Variants in PPP3R1 observed in about 807,000 individuals in gnomAD.
The protein encoded by PPP3R1 is protein phosphatase 3 regulatory subunit B, alpha, also known as calcineurin subunit B type 1.
In PPP3R1, 5 loss-of-function variants were observed where a neutral mutation model predicts 22.6. The observed-to-expected ratio is 0.22, with a 90% CI of 0.12 to 0.46. The LOEUF (loss-of-function observed/expected upper bound fraction) is 0.46. PPP3R1 is among the 20% of genes least tolerant of loss of function. The pLI, the probability that PPP3R1 is intolerant of heterozygous loss-of-function variation, is 0.99. For synonymous variants in PPP3R1, 56 were observed against 65.2 expected, an observed-to-expected ratio of 0.86 and a Z score of 0.68; for missense variants, 61 against 203.2, an observed-to-expected ratio of 0.30 and a Z score of 4.25.
rs1038916770 is a variant in PPP3R1 at position 68,182,964 on chromosome 2, C to T, written c.466-1954G>A. Among the ~76,000 whole-genome samples the T allele has an allele frequency of 2.6e-5, 4 of 152,146 alleles. No homozygotes were observed. The South Asian group carries it at 6.2e-4, about 24-fold the overall frequency. ...TATTGTCTTGAAAGCACTCTTTGAG[C>T]CTTCCAACCTGCTGCACTCTAGACT... is the stretch of plus-strand genomic sequence containing the variant. On this transcript the variant is annotated intron_variant, in intron 5 of 5. Transcript: ENST00000234310.
At chr2:68,251,812 G>A (rs1670364719) in intron 1 of PPP3R1, among the ~76,000 whole-genome samples, 1 of 150,234 alleles carries the variant, frequency 6.7e-6, no homozygotes, top group Non-Finnish European at 1.5e-5. Flanking sequence ...GATGGTCAGC[G>A]GTGCCCGCGG....
chr2:68,206,058 TC>T (rs1675115117), intron 2 of PPP3R1, among the ~76,000 whole-genome samples: 1 of 152,054 alleles, frequency 6.6e-6, no homozygotes, highest in Admixed American at 6.5e-5. Context: ...CCTCAGGTGA[TC>T]CGCCCGCCTC....
chr2:68,190,585 A>C (rs2122126), intron 2 of PPP3R1, among the ~76,000 whole-genome samples: 113,035 of 151,772 alleles, frequency 0.74, 43,150 homozygotes, highest in African/African-American at 0.93. Context: ...AACAAAAAAA[A>C]CCCCTCAATA....
intron 2 of PPP3R1, among the ~76,000 whole-genome samples, chr2:68,215,691 A>C (rs548715274): frequency 1.3e-5 from 2 of 152,298 alleles, no homozygotes; most frequent in African/African-American, 4.8e-5. Flanking sequence ...GTAATATAAC[A>C]TGAAACTCTG....
intron 1 of PPP3R1, 69 bp from the exon 2 acceptor site, chr2:68,217,200 T>A: frequency 8.8e-7 from 1 of 1,132,918 alleles, no homozygotes. Context: ...TAAACCTAAA[T>A]ATTTTAAGTC....
At chr2:68,187,090 A>T (rs544312697) in intron 4 of PPP3R1, among the ~76,000 whole-genome samples, 165 bp downstream of exon 4, 2 of 152,366 alleles carry the variant, frequency 1.3e-5, no homozygotes, top group African/African-American at 4.8e-5. Context: ...CAAATATAGT[A>T]GTTGGAAATG....
At position 68,180,487 on chromosome 2, in the gene PPP3R1, C is replaced by CTATATA. The variant is rs916241199; in HGVS notation, c.*470_*475dup. 2.0e-5 allele frequency: 3 copies of CTATATA among 152,768 alleles called. No homozygotes were observed. The South Asian group carries it at 6.2e-4, about 32-fold the overall frequency. 9.5% of individuals were successfully genotyped at this position (152,768 alleles called of 1,614,324 possible). On this transcript the variant is annotated 3_prime_UTR_variant, in exon 6 of 6. Coordinates refer to ENST00000234310, the MANE Select transcript of PPP3R1 (RefSeq NM_000945.4). Reference sequence around the variant, plus strand: ...CGGCTCAAATTGTACAGTCTTCTATCTATATATAAAACTGTGTGAAATAAA... The same window carrying CTATATA: ...CGGCTCAAATTGTACAGTCTTCTATCTATATATATATATAAAACTGTGTGAAATAAA...
rs1478648580 is a variant in PPP3R1, at chr2:68,188,623, A to C, written c.111T>G (p.Ser37=). 5.0e-6 allele frequency: 8 copies of C among 1,613,518 alleles called. No homozygotes were observed. ...FKKLDLDNSG[S]LSVEEFMSLP... ...GAGACATGAACTCTTCCACACTCAA[A>C]GAACCAGAATTGTCCAAATCAAGCT... Residue 37 remains serine (S), a synonymous_variant, in exon 3 of 6, where the codon TCT becomes TCG. Coordinates refer to ENST00000234310, the MANE Select transcript of PPP3R1 (RefSeq NM_000945.4).
chr2:68,226,603 C>G (rs909981395), intron 1 of PPP3R1, among the ~76,000 whole-genome samples: 1 of 152,104 alleles, frequency 6.6e-6, no homozygotes, highest in African/African-American at 2.4e-5. Context: ...TTTACACTTA[C>G]AGTAATCTTG....
intron 2 of PPP3R1, among the ~76,000 whole-genome samples, chr2:68,212,602 T>C (rs1348157720): frequency 6.6e-6 from 1 of 152,238 alleles, no homozygotes; most frequent in East Asian, 1.9e-4. Context: ...ACCTGCATTG[T>C]CAATGAGCAA....
chr2:68,229,782 C>G (rs141325284), intron 1 of PPP3R1, among the ~76,000 whole-genome samples: 34 of 150,424 alleles, frequency 2.3e-4, no homozygotes, highest in African/African-American at 8.5e-4. Context: ...TATATTGTTA[C>G]ATTTAAAGTA....
chr2:68,209,589 CA>C (rs1669431355), intron 2 of PPP3R1, among the ~76,000 whole-genome samples: 1 of 151,466 alleles, frequency 6.6e-6, no homozygotes. Flanking sequence ...CCGGACTCTA[CA>C]AAAAAATGTT....
At position 68,199,984 on chromosome 2, in the gene PPP3R1, CTTTCT is replaced by C. The variant is rs1204909066; in HGVS notation, c.44-11299_44-11295del. 2.6e-5 allele frequency among the ~76,000 whole-genome samples: 4 copies of C among 152,034 alleles called. No individual in the cohort carries two copies. In the East Asian group the frequency reaches 7.7e-4, roughly 29 times the overall value. On this transcript the variant is annotated intron_variant, in intron 2 of 5. Coordinates refer to ENST00000234310, the MANE Select transcript of PPP3R1 (RefSeq NM_000945.4). ...AGTCTAGATAAGACTGTGTTTCTTT[CTTTCT>C]TTTCATTAAATTTGATAGAATTTAC...
chr2:68,189,309 T>G (rs1674612886), intron 2 of PPP3R1, among the ~76,000 whole-genome samples: 1 of 152,124 alleles, frequency 6.6e-6, no homozygotes, highest in Non-Finnish European at 1.5e-5. Flanking sequence ...ATAAGCCAGT[T>G]TTTACTTAAC....
intron 1 of PPP3R1, among the ~76,000 whole-genome samples, chr2:68,245,547 T>G (rs192733076): frequency 2.0e-5 from 3 of 152,340 alleles, no homozygotes; most frequent in Admixed American, 2.0e-4. Flanking sequence ...GTGCTATCTT[T>G]ATATCTAATC....
intron 2 of PPP3R1, among the ~76,000 whole-genome samples, chr2:68,204,726 T>G (rs1255684585): frequency 6.6e-6 from 1 of 152,264 alleles, no homozygotes; most frequent in Non-Finnish European, 1.5e-5. Flanking sequence ...TTATTATTTA[T>G]GAAAACAAAT....
Position 68,211,893 on chromosome 2 carries a change from A to G in PPP3R1, c.43+5199T>C, listed in dbSNP as rs543846523. On this transcript the variant is annotated intron_variant, in intron 2 of 5. Coordinates refer to ENST00000234310, the MANE Select transcript of PPP3R1 (RefSeq NM_000945.4). The stretch of plus-strand genomic sequence containing the variant: ...GCCACATTTTCAGGCTCCACTTCTA[A>G]TTCTAGTTCTTTTGCTCCTTCTATC... 4.6e-5 allele frequency among the ~76,000 whole-genome samples: 7 copies of G among 152,270 alleles called. No individual in the cohort carries two copies. In the East Asian group the frequency reaches 1.3e-3, roughly 29 times the overall value.
At chr2:68,211,619 C>T (rs1365836144) in intron 2 of PPP3R1, among the ~76,000 whole-genome samples, 2 of 152,174 alleles carry the variant, frequency 1.3e-5, no homozygotes, top group East Asian at 1.9e-4. Flanking sequence ...TTTTCTGTAA[C>T]ATGCAATGCT....
chr2:68,182,714 G>A (rs1234954605), intron 5 of PPP3R1, among the ~76,000 whole-genome samples: 1 of 147,360 alleles, frequency 6.8e-6, no homozygotes, highest in Non-Finnish European at 1.5e-5. Context: ...AACAAACTGA[G>A]GCAACACTCC....
Sources: gnomAD v4.1 joint callset for allele counts (sites outside exome capture counted in the v4.1 genomes callset) on GRCh38, gnomAD v4.1.1 for gene constraint, MANE v1.5 for transcripts, NCBI Gene and HGNC (gene_info 2026-07-23, HGNC 2026-07-21) for gene names.